Variants in TP53I13 observed in about 807,000 individuals in gnomAD.
TP53I13 encodes the protein tumor protein p53 inducible protein 13.
A neutral mutation model predicts 39.1 loss-of-function variants in TP53I13; 27 were observed. That is an observed-to-expected ratio of 0.69 (90% CI 0.51 to 0.95). The LOEUF (loss-of-function observed/expected upper bound fraction) is 0.95, where lower values mean the gene tolerates loss of function less well. Among genes scored for constraint, TP53I13 ranks in the 40% least tolerant of loss-of-function variants. TP53I13 has a pLI of 0.00. For synonymous variants in TP53I13, 230 were observed against 224.6 expected (o/e 1.02, Z -0.22); for missense variants, 544 against 520.4 (o/e 1.05, Z -0.44).
At chr17:29,576,740 T>C, downstream of TP53I13, 1 of 1,599,636 alleles carries the variant, frequency 6.3e-7, no homozygotes. Context: ...CAGGGGGCAG[T>C]TATTGAGGCT....
chr17:29,572,918 G>A lies in TP53I13; in HGVS notation c.1176G>A (p.Ser392=), dbSNP rs778884700. ...TPDSGPEGES[S]E ...ACAGCGGCCCGGAAGGCGAGAGCTCGGAGTGACGGCCTGGGACCTGCCACT... is the reference window on the plus strand; with the variant it reads ...ACAGCGGCCCGGAAGGCGAGAGCTCAGAGTGACGGCCTGGGACCTGCCACT... The change falls in exon 7 of 7, where the codon TCG becomes TCA. Residue 392 remains serine (S), a synonymous_variant. Coordinates refer to ENST00000301057, the MANE Select transcript of TP53I13 (RefSeq NM_138349.4). The A allele has an allele frequency of 3.3e-6, 5 of 1,495,376 alleles. No homozygotes were observed. The highest frequency in any genetic ancestry group is 3.5e-6 in the Non-Finnish European group (4 of 1,128,908). 92.6% of individuals were successfully genotyped at this position (1,495,376 alleles called of 1,614,324 possible).
At chr17:29,575,251 G>A (rs1046066975), downstream of TP53I13, 1 of 1,586,320 alleles carries the variant, frequency 6.3e-7, no homozygotes, top group African/African-American at 1.3e-5. This position sits in a 1 kb window ranked among gnomAD's most constrained non-coding sequence, Gnocchi z 5.5. Context: ...AAGCCAACAG[G>A]AACTGCATCC....
chr17:29,576,173 G>C (rs776779101), downstream of TP53I13: 2 of 1,610,038 alleles, frequency 1.2e-6, no homozygotes, highest in Non-Finnish European at 1.7e-6. Flanking sequence ...GGACCCTGCG[G>C]CAGCCCCACC....
the TP53I13 span, among the ~76,000 whole-genome samples, chr17:29,580,064 A>G: frequency 6.6e-6 from 1 of 151,960 alleles, no homozygotes; most frequent in Admixed American, 6.6e-5. Flanking sequence ...TCTACCCTCC[A>G]TGCCTCTGCC....
the TP53I13 span, chr17:29,581,567 C>G: frequency 2.9e-6 from 2 of 697,556 alleles, no homozygotes; most frequent in East Asian, 5.4e-5. This position sits in a 1 kb window ranked among gnomAD's most constrained non-coding sequence, Gnocchi z 4.8. Context: ...CACTCCCTAG[C>G]CCCAGCGATG....
At position 29,572,484 on chromosome 17, in the gene TP53I13, C is replaced by T; in HGVS notation, c.856C>T (p.Gln286Ter). Reference protein sequence around the residue: ...GSPGGCVCSSQASPAPRAAAP... With the variant: ...GSPGGCVCSS ...CCCAGGGGGCTGTGTCTGTTCAAGT[C>T]AGGCTTCCCCGGCCCCTCGCGCAGC... is the stretch of plus-strand genomic sequence containing the variant. Residue 286 changes from glutamine to a stop codon, truncating the protein, a stop_gained, in exon 6 of 7, where the codon CAG becomes TAG. Coordinates refer to ENST00000301057, the MANE Select transcript of TP53I13 (RefSeq NM_138349.4). LOFTEE classifies it high-confidence loss of function. 6.3e-7 allele frequency: 1 copy of T among 1,598,462 alleles called. No individual in the cohort carries two copies. The highest frequency in any genetic ancestry group is 8.5e-7 in the Non-Finnish European group (1 of 1,172,272).
chr17:29,576,641 C>A, downstream of TP53I13: 2 of 1,614,028 alleles, frequency 1.2e-6, no homozygotes, highest in Non-Finnish European at 1.7e-6. Context: ...TGCAGCGTCA[C>A]AGCCCCGTCA....
chr17:29,579,758 T>C, the TP53I13 span, among the ~76,000 whole-genome samples: 3 of 151,654 alleles, frequency 2.0e-5, no homozygotes, highest in Non-Finnish European at 4.4e-5. Context: ...TTTGCATACA[T>C]TCTTATCTAA....
At chr17:29,570,113 C>T (rs62070807) in intron 3 of TP53I13, among the ~76,000 whole-genome samples, 97,134 of 148,608 alleles carry the variant, frequency 0.65, 31,898 homozygotes, top group East Asian at 0.75. Context: ...CACCATGTTG[C>T]CCACGCTGGT....
downstream of TP53I13, chr17:29,575,050 A>G (rs2033140966): frequency 6.5e-7 from 1 of 1,546,626 alleles, no homozygotes; most frequent in Non-Finnish European, 8.8e-7. This position sits in a 1 kb window ranked among gnomAD's most constrained non-coding sequence, Gnocchi z 5.5. Context: ...AGGCCCTCCC[A>G]CTCCTGGTCC....
chr17:29,569,511 GCCCAGGACAGATCAGC>G, intron 3 of TP53I13, 152 bp downstream of exon 3: 1 of 686,838 alleles, frequency 1.5e-6, no homozygotes. Flanking sequence ...CCACCTCCAA[GCCCAGGACAGATCAGC>G]CCCAGGACAG....
rs899259296 is a variant in TP53I13, at chr17:29,571,857, C to G, written c.313C>G (p.Pro105Ala). The change falls in exon 5 of 7, where the codon CCC (proline) becomes GCC (alanine). Residue 105 changes from proline (P) to alanine (A), a missense_variant and splice_region_variant. Physicochemically the swap from Pro to Ala is conservative, Grantham distance 27. Coordinates refer to ENST00000301057, the MANE Select transcript of TP53I13 (RefSeq NM_138349.4). ...CTCTAACAGTTACCTCCTCTCGTAGCCCCTGGTGCTGACTGCATGGGGGCT... is the reference window on the plus strand; with the variant it reads ...CTCTAACAGTTACCTCCTCTCGTAGGCCCTGGTGCTGACTGCATGGGGGCT... ...TPDFSLTQDR[P>A]LVLTAWGLAL... The G allele has an allele frequency of 1.2e-6, 2 of 1,613,272 alleles. No individual in the cohort carries two copies. The highest frequency in any genetic ancestry group is 1.7e-6 in the Non-Finnish European group (2 of 1,179,940).
chr17:29,566,413 C>T, upstream of TP53I13: 3 of 1,611,930 alleles, frequency 1.9e-6, no homozygotes, highest in Non-Finnish European at 1.7e-6. Context: ...CGGGTAGTAG[C>T]CGCGCTCCAG....
downstream of TP53I13, chr17:29,576,981 G>A: frequency 6.2e-7 from 1 of 1,602,972 alleles, no homozygotes; most frequent in Non-Finnish European, 8.5e-7. Flanking sequence ...GCTCCGCAGA[G>A]ACAGCTCGAG....
Position 29,572,882 on chromosome 17 carries a change from G to GC in TP53I13, c.1143dup (p.Thr382HisfsTer64). 6.6e-7 allele frequency: 1 copy of GC among 1,514,984 alleles called. No individual in the cohort carries two copies. Among genetic ancestry groups the GC allele is most frequent in the Non-Finnish European group, 8.8e-7 (1 of 1,138,876 alleles). 93.8% of individuals were successfully genotyped at this position (1,514,984 alleles called of 1,614,324 possible). A position where few individuals can be genotyped will look rare whatever the true frequency, so the allele number is the denominator to read the frequency against. ...GCTCGCGCCGGAGACCCCTCCTCCC[G>GC]CCCACGCCGGACAGCGGCCCGGAAG... On this transcript the variant is annotated frameshift_variant, in exon 7 of 7. Coordinates refer to ENST00000301057, the MANE Select transcript of TP53I13 (RefSeq NM_138349.4). LOFTEE classifies it high-confidence loss of function.
At chr17:29,580,258 G>A in the TP53I13 span, among the ~76,000 whole-genome samples, 1 of 152,158 alleles carries the variant, frequency 6.6e-6, no homozygotes, top group Non-Finnish European at 1.5e-5. Flanking sequence ...CCCATATTTG[G>A]GTGTATTTAC....
At chr17:29,581,817 G>C in the TP53I13 span, 3 of 1,612,584 alleles carry the variant, frequency 1.9e-6, no homozygotes, top group Non-Finnish European at 2.5e-6. This position sits in a 1 kb window ranked among gnomAD's most constrained non-coding sequence, Gnocchi z 4.8. Context: ...CTTTCCGCCA[G>C]CTCATGGTGC....
chr17:29,578,257 G>T, the TP53I13 span: 1 of 1,520,136 alleles, frequency 6.6e-7, no homozygotes, highest in South Asian at 1.1e-5. Context: ...TGCCTGGGCC[G>T]CTCGGGTCCT....
the TP53I13 span, among the ~76,000 whole-genome samples, chr17:29,580,189 GTGCCAAGAGC>G: frequency 6.6e-6 from 1 of 152,244 alleles, no homozygotes; most frequent in Non-Finnish European, 1.5e-5. Context: ...TGTGCTCCCA[GTGCCAAGAGC>G]AGTAGCTGGC....
Sources: allele counts gnomAD v4.1 joint callset (sites outside exome capture counted in the v4.1 genomes callset), GRCh38; gene constraint gnomAD v4.1.1; non-coding constraint Gnocchi (gnomAD v3.1); transcripts MANE v1.5; gene names NCBI Gene and HGNC (gene_info 2026-07-23, HGNC 2026-07-21).